Variants in NCOR1 observed in about 807,000 individuals in gnomAD.
NCOR1 encodes nuclear receptor corepressor 1.
In NCOR1, 63 loss-of-function variants were observed where a neutral mutation model predicts 288.1. That is an observed-to-expected ratio of 0.22 (90% confidence interval 0.18 to 0.27). The LOEUF is 0.27. Among genes scored for constraint, NCOR1 ranks in the 10% least tolerant of loss-of-function variants. The pLI, the probability that NCOR1 is intolerant of heterozygous loss-of-function variation, is 1.00. For synonymous variants in NCOR1, 1,007 were observed against 1,065.9 expected, an observed-to-expected ratio of 0.94 and a Z score of 1.08; for missense variants, 2,397 against 3,019.2, an observed-to-expected ratio of 0.79 and a Z score of 4.83.
At chr17:16,143,887 G>A (rs908281644) in intron 10 of NCOR1, among the ~76,000 whole-genome samples, 191 bp from the exon 11 acceptor site, 3 of 152,074 alleles carry the variant, frequency 2.0e-5, no homozygotes, top group East Asian at 1.9e-4. Flanking sequence ...TAAATGTTAC[G>A]ATTGAGATTT....
intron 14 of NCOR1, among the ~76,000 whole-genome samples, chr17:16,127,683 GTATA>G (rs1250893455): frequency 6.2e-5 from 9 of 144,952 alleles, no homozygotes; most frequent in South Asian, 4.3e-4. Flanking sequence ...ATGTGTATGT[GTATA>G]TATACATATA....
chr17:16,172,060 T>A (rs1271502767), intron 3 of NCOR1, 65 bp from the exon 4 acceptor site: 4 of 1,299,670 alleles, frequency 3.1e-6, no homozygotes, highest in East Asian at 2.4e-5. Context: ...CCTGGTAACA[T>A]CCCTGGTTAG....
At chr17:16,058,700 T>C (rs769668372) in intron 37 of NCOR1, 101 bp from the exon 38 acceptor site, 23 of 1,203,984 alleles carry the variant, frequency 1.9e-5, no homozygotes, top group East Asian at 1.9e-4. Context: ...TGATCCACCA[T>C]GTTCAAAGGT....
chr17:16,205,005 G>C lies in NCOR1; in HGVS notation c.-71+10357C>G, dbSNP rs981025279. 2.1e-4 allele frequency among the ~76,000 whole-genome samples: 32 copies of C among 152,204 alleles called. 1 individual carries two copies. The highest frequency in any genetic ancestry group is 1.5e-5 in the Non-Finnish European group (1 of 68,042). On this transcript the variant is annotated intron_variant, in intron 1 of 45. Transcript: ENST00000268712. ...GGAGGCCCAGGCGGGTGGATCACCTGAAGTCGGGAGTTTCAGACCAGCCTG... is the reference window on the plus strand; with the variant it reads ...GGAGGCCCAGGCGGGTGGATCACCTCAAGTCGGGAGTTTCAGACCAGCCTG...
chr17:16,072,093 T>C, intron 29 of NCOR1, 52 bp downstream of exon 29: 1 of 1,357,242 alleles, frequency 7.4e-7, no homozygotes, highest in Non-Finnish European at 1.0e-6. Flanking sequence ...GTCAAACTAT[T>C]TTGCCAGGGA....
intron 1 of NCOR1, among the ~76,000 whole-genome samples, chr17:16,200,090 A>G (rs1005611028): frequency 1.4e-4 from 21 of 152,054 alleles, no homozygotes; most frequent in African/African-American, 5.1e-4. Flanking sequence ...AAAAAAAGCA[A>G]TTTTTCCTCT....
chr17:16,141,035 T>A (rs537309545), intron 11 of NCOR1, among the ~76,000 whole-genome samples: 1 of 148,418 alleles, frequency 6.7e-6, no homozygotes, highest in Admixed American at 6.7e-5. Context: ...GTCCTGATAT[T>A]ATGCAATAGT....
rs1380759171 is a variant in NCOR1 at position 16,138,992 on chromosome 17, T to C, written c.1352+16A>G. The C allele has an allele frequency of 6.7e-7, 1 of 1,488,666 alleles. No individual in the cohort carries two copies. Among genetic ancestry groups the C allele is most frequent in the African/African-American group, 1.4e-5 (1 of 70,570 alleles). 92.2% of individuals were successfully genotyped at this position (1,488,666 alleles called of 1,614,324 possible). Reference sequence around the variant, plus strand: ...ATGTAGATGTCTATTAGAGAATAATTTAAAATATAAATTACTTGTCCTTAA... The same window carrying C: ...ATGTAGATGTCTATTAGAGAATAATCTAAAATATAAATTACTTGTCCTTAA... On this transcript the variant is annotated intron_variant, in intron 12 of 45. Transcript: ENST00000268712.
At chr17:16,135,293 G>A (rs1448272668) in intron 14 of NCOR1, among the ~76,000 whole-genome samples, 1 of 151,962 alleles carries the variant, frequency 6.6e-6, no homozygotes, top group Non-Finnish European at 1.5e-5. Context: ...GAAAAGCCCT[G>A]GCAATATTCT....
chr17:16,146,921 C>T (rs1332131416), intron 9 of NCOR1, among the ~76,000 whole-genome samples: 1 of 152,150 alleles, frequency 6.6e-6, no homozygotes, highest in Non-Finnish European at 1.5e-5. Flanking sequence ...CATAATCTGA[C>T]CAATTACCCA....
At chr17:16,161,383 G>A (rs1275884546) in intron 5 of NCOR1, among the ~76,000 whole-genome samples, 2 of 152,014 alleles carry the variant, frequency 1.3e-5, no homozygotes, top group African/African-American at 4.8e-5. Context: ...TCTGCCTCCC[G>A]GGTTCAGGTG....
chr17:16,033,823 T>G (rs1973171962), intron 45 of NCOR1, among the ~76,000 whole-genome samples: 1 of 152,136 alleles, frequency 6.6e-6, no homozygotes, highest in East Asian at 1.9e-4. Context: ...TTGTTTTTGT[T>G]AAGATGGAGT....
At chr17:16,066,233 C>T (rs2061106451) in intron 32 of NCOR1, among the ~76,000 whole-genome samples, 2 of 152,178 alleles carry the variant, frequency 1.3e-5, no homozygotes, top group African/African-American at 4.8e-5. Context: ...GCATTTGTCA[C>T]AGCTACTCAA....
chr17:16,074,643 C>T (rs1457186226), intron 27 of NCOR1, among the ~76,000 whole-genome samples: 1 of 152,166 alleles, frequency 6.6e-6, no homozygotes, highest in African/African-American at 2.4e-5. Flanking sequence ...GAAAGCATAG[C>T]TCATGACTAC....
rs555489620 is a variant in NCOR1 at position 16,035,316 on chromosome 17, C to G, written c.6956-372G>C. 1.8e-3 allele frequency among the ~76,000 whole-genome samples: 270 copies of G among 152,240 alleles called. No homozygotes were observed. The South Asian group carries it at 0.019, about 11-fold the overall frequency. On this transcript the variant is annotated intron_variant, in intron 44 of 45. Coordinates refer to ENST00000268712, the MANE Select transcript of NCOR1 (RefSeq NM_006311.4). Reference sequence around the variant, plus strand: ...TCAAAATTGGAGTTGATCCCTCAAACCCTTCTTTATTAACTGGGTTTATGT... The same window carrying G: ...TCAAAATTGGAGTTGATCCCTCAAAGCCTTCTTTATTAACTGGGTTTATGT...
chr17:16,121,399 ATTATCAAC>A, intron 15 of NCOR1, 130 bp from the exon 16 acceptor site: 2 of 718,694 alleles, frequency 2.8e-6, no homozygotes, highest in Non-Finnish European at 4.2e-6. Context: ...AAAAAAAAAA[ATTATCAAC>A]AATTCTGCCA....
intron 22 of NCOR1, among the ~76,000 whole-genome samples, chr17:16,088,098 CCACT>C (rs1338108820): frequency 6.6e-6 from 1 of 150,654 alleles, no homozygotes; most frequent in African/African-American, 2.5e-5. Context: ...GAATAAATTC[CCACT>C]CATTTTATTT....
At chr17:16,127,602 CATACATATGTGTATGTGTATAT>C (rs2074801188) in intron 14 of NCOR1, among the ~76,000 whole-genome samples, 1 of 115,052 alleles carries the variant, frequency 8.7e-6, no homozygotes, top group African/African-American at 4.3e-5. Context: ...TGTATGTATA[CATACATATGTGTATGTGTATAT>C]ATACATATAT....
chr17:16,181,205 A>ATGTG (rs1555787614), intron 3 of NCOR1, among the ~76,000 whole-genome samples: 1 of 99,068 alleles, frequency 1.0e-5, no homozygotes, highest in East Asian at 4.6e-4. Context: ...GTATACATAT[A>ATGTG]TATGTATGTG....
Sources: allele counts gnomAD v4.1 joint callset (sites outside exome capture counted in the v4.1 genomes callset), GRCh38; gene constraint gnomAD v4.1.1; transcripts MANE v1.5; gene names NCBI Gene and HGNC (gene_info 2026-07-23, HGNC 2026-07-21).